TRAPPC3L: variants seen among roughly 807,000 people sequenced by gnomAD.
The protein encoded by TRAPPC3L is trafficking protein particle complex subunit 3-like protein.
Under a neutral mutation model 23.7 loss-of-function variants are expected in TRAPPC3L, and 23 were observed. That is an observed-to-expected ratio of 0.97 (90% CI 0.70 to 1.37). TRAPPC3L has a LOEUF of 1.37. Ranked by LOEUF, TRAPPC3L falls within the 40% of genes most tolerant of loss-of-function variation. The pLI is 0.00. For synonymous variants in TRAPPC3L, 81 were observed against 77.9 expected (o/e 1.04, Z -0.21); for missense variants, 212 against 216.8 (o/e 0.98, Z 0.14).
chr6:116,520,932 T>A (rs1772323529), intron 3 of TRAPPC3L: 1 of 152,092 alleles, frequency 6.6e-6, no homozygotes, highest in Non-Finnish European at 1.5e-5. Context: ...TTTTATGAAT[T>A]TAAATTGGTT....
chr6:116,496,991 T>C lies in TRAPPC3L; in HGVS notation c.509A>G (p.Lys170Arg). ...TCTATATTTTTTCTCGTCTCGCTTTTTTAGAAATGTTATTCCTATTTCTGT... is the reference window on the plus strand; with the variant it reads ...TCTATATTTTTTCTCGTCTCGCTTTCTTAGAAATGTTATTCCTATTTCTGT... The part of the protein sequence containing the change: ...SVTEIGITFL[K>R]KRDEKKYRGK... Residue 170 changes from lysine to arginine, a missense_variant, in exon 5 of 5, where the codon AAA becomes AGA. By Grantham distance (26) the Lys-to-Arg change is conservative. Coordinates refer to ENST00000368602, the MANE Select transcript of TRAPPC3L (RefSeq NM_001139444.3). 1 of 1,546,758 alleles carries C rather than the reference T, an allele frequency of 6.5e-7. No individual in the cohort carries two copies. Among genetic ancestry groups the C allele is most frequent in the Non-Finnish European group, 8.7e-7 (1 of 1,145,862 alleles).
intron 1 of TRAPPC3L, among the ~76,000 whole-genome samples, chr6:116,544,556 T>C (rs901713177): frequency 6.6e-6 from 1 of 152,178 alleles, no homozygotes; most frequent in Non-Finnish European, 1.5e-5. Context: ...ATCATATGAA[T>C]ATCTGAAAGA....
chr6:116,519,502 T>A (rs750137102), intron 3 of TRAPPC3L: 1 of 152,226 alleles, frequency 6.6e-6, no homozygotes, highest in Non-Finnish European at 1.5e-5. Flanking sequence ...ATTGGCACCC[T>A]GGATTTGAAT....
In TRAPPC3L at chr6:116,540,471, G is replaced by A; in HGVS notation, c.141-9C>T. The A allele has an allele frequency of 6.5e-7, 1 of 1,549,980 alleles. No homozygotes were observed. The highest frequency in any genetic ancestry group is 8.7e-7 in the Non-Finnish European group (1 of 1,146,164). On this transcript the variant is annotated splice_polypyrimidine_tract_variant and intron_variant, in intron 2 of 4. Coordinates refer to ENST00000368602, the MANE Select transcript of TRAPPC3L (RefSeq NM_001139444.3). Reference sequence around the variant, plus strand: ...TTCCAATGCCGTAACCCCTGTGGATGACGGAAAGAGTGTGGTCTGAAAATT... The same window carrying A: ...TTCCAATGCCGTAACCCCTGTGGATAACGGAAAGAGTGTGGTCTGAAAATT...
intron 3 of TRAPPC3L, among the ~76,000 whole-genome samples, chr6:116,530,883 T>C (rs1056912179): frequency 8.1e-6 from 1 of 123,224 alleles, no homozygotes; most frequent in African/African-American, 3.1e-5. Flanking sequence ...AGCAGAAGGT[T>C]CATAGATAAA....
chr6:116,513,628 A>T (rs913365790), intron 3 of TRAPPC3L, among the ~76,000 whole-genome samples: 1 of 152,230 alleles, frequency 6.6e-6, no homozygotes, highest in Non-Finnish European at 1.5e-5. Context: ...CTGTGGGAAG[A>T]TGCATAAGGA....
chr6:116,500,603 C>T lies in TRAPPC3L; in HGVS notation c.304G>A (p.Glu102Lys). The change falls in exon 4 of 5, where the codon GAA (glutamate) becomes AAA (lysine). Residue 102 changes from glutamate to lysine, a missense_variant. Physicochemically the swap from Glu to Lys is moderately conservative, Grantham distance 56. Coordinates refer to ENST00000368602, the MANE Select transcript of TRAPPC3L (RefSeq NM_001139444.3). ...TTCTTCTCTAGAATCAGGGAAAATT[C>T]ATTTTTGCTTGAATTGTTACAGGTC... ...SVTCNNSSKNEFSLILEKNPL... is the reference protein window; with the variant it reads ...SVTCNNSSKNKFSLILEKNPL... 1.9e-6 allele frequency: 3 copies of T among 1,551,658 alleles called. No homozygotes were observed. In the Admixed American group the frequency reaches 5.9e-5, roughly 30 times the overall value.
chr6:116,536,423 A>G (rs910397223), intron 3 of TRAPPC3L, among the ~76,000 whole-genome samples: 1 of 152,220 alleles, frequency 6.6e-6, no homozygotes, highest in Non-Finnish European at 1.5e-5. Flanking sequence ...TGAGGGAAAC[A>G]AGAGAGGGGA....
At chr6:116,509,091 TAAAAAA>T (rs56112495) in intron 3 of TRAPPC3L, among the ~76,000 whole-genome samples, 14 of 128,026 alleles carry the variant, frequency 1.1e-4, no homozygotes, top group East Asian at 6.5e-4. Flanking sequence ...ATAAGAGTTG[TAAAAAA>T]AAAAAAAAAA....
At chr6:116,500,748 G>T in intron 3 of TRAPPC3L, 82 bp from the exon 4 acceptor site, 1 of 1,227,672 alleles carries the variant, frequency 8.1e-7, no homozygotes, top group Non-Finnish European at 1.1e-6. Flanking sequence ...CCAGTTCTAG[G>T]CATTGCAGCA....
At chr6:116,503,575 T>C (rs1771955332) in intron 3 of TRAPPC3L, among the ~76,000 whole-genome samples, 1 of 152,212 alleles carries the variant, frequency 6.6e-6, no homozygotes, top group African/African-American at 2.4e-5. Flanking sequence ...AAATACATTC[T>C]TCTCAGCACC....
rs1398441591 is a variant in TRAPPC3L, at chr6:116,495,282, C to T, written c.*1672G>A. On this transcript the variant is annotated 3_prime_UTR_variant, in exon 5 of 5. Transcript: ENST00000368602. ...AACATGCAAAGTCTGTCTTTCTGTC[C>T]TGACATATTTCATTGAACATAATGA... 6.6e-6 allele frequency: 1 copy of T among 151,850 alleles called. No individual in the cohort carries two copies. The highest frequency in any genetic ancestry group is 2.4e-5 in the African/African-American group (1 of 41,312). 9.4% of individuals were successfully genotyped at this position (151,850 alleles called of 1,614,324 possible). A position where few individuals can be genotyped will look rare whatever the true frequency, so the allele number is the denominator to read the frequency against.
chr6:116,511,160 C>T (rs1175631178), intron 3 of TRAPPC3L, among the ~76,000 whole-genome samples: 1 of 139,706 alleles, frequency 7.2e-6, no homozygotes, highest in African/African-American at 2.6e-5. Context: ...TAACCAAAAC[C>T]CACTTGTGCT....
intron 3 of TRAPPC3L, among the ~76,000 whole-genome samples, chr6:116,530,247 A>T (rs1772615178): frequency 6.6e-6 from 1 of 152,160 alleles, no homozygotes; most frequent in African/African-American, 2.4e-5. Context: ...AAAGGAAAAA[A>T]CAGCCTAAGA....
At chr6:116,523,817 A>G (rs1772391081) in intron 3 of TRAPPC3L, 1 of 152,222 alleles carries the variant, frequency 6.6e-6, no homozygotes, top group Non-Finnish European at 1.5e-5. Flanking sequence ...AAAAACAACC[A>G]GGTACATCTA....
At position 116,495,170 on chromosome 6, in the gene TRAPPC3L, A is replaced by G. The variant is rs1318936378; in HGVS notation, c.*1784T>C. Reference sequence around the variant, plus strand: ...AACCATCTCCACTCCTCTTGAAACTACCCTTCCCAGCCTCTGATATCCATC... The same window carrying G: ...AACCATCTCCACTCCTCTTGAAACTGCCCTTCCCAGCCTCTGATATCCATC... On this transcript the variant is annotated 3_prime_UTR_variant, in exon 5 of 5. Transcript: ENST00000368602. 1 of 149,796 alleles carries G rather than the reference A, an allele frequency of 6.7e-6. No individual in the cohort carries two copies. The highest frequency in any genetic ancestry group is 1.5e-5 in the Non-Finnish European group (1 of 67,500). The allele number at this position is 149,796 out of a possible 1,614,324, so 9.3% of individuals were successfully genotyped here. A position where few individuals can be genotyped will look rare whatever the true frequency, so the allele number is the denominator to read the frequency against.
chr6:116,533,995 T>G (rs1483377884), intron 3 of TRAPPC3L, among the ~76,000 whole-genome samples: 1 of 152,184 alleles, frequency 6.6e-6, no homozygotes, highest in Non-Finnish European at 1.5e-5. Flanking sequence ...ATCCATAGTC[T>G]GTAATCATAC....
chr6:116,519,765 A>C (rs1052743677), intron 3 of TRAPPC3L: 9 of 152,248 alleles, frequency 5.9e-5, no homozygotes, highest in African/African-American at 2.2e-4. Flanking sequence ...AATATACTCA[A>C]GGAAAAATTT....
intron 3 of TRAPPC3L, chr6:116,516,108 G>C: frequency 1.5e-6 from 2 of 1,347,220 alleles, no homozygotes; most frequent in Non-Finnish European, 2.0e-6. Context: ...ATGTTTACAA[G>C]ACAATAACAC....
Sources: allele counts gnomAD v4.1 joint callset (sites outside exome capture counted in the v4.1 genomes callset), GRCh38; gene constraint gnomAD v4.1.1; transcripts MANE v1.5; gene names NCBI Gene and HGNC (gene_info 2026-07-23, HGNC 2026-07-21).